TMEFF2: variants seen among roughly 807,000 people sequenced by gnomAD.
TMEFF2 encodes transmembrane protein with EGF like and two follistatin like domains 2.
TMEFF2 carries 28 observed loss-of-function variants against 53.8 expected under a neutral mutation model. The observed-to-expected ratio is 0.52, with a 90% confidence interval of 0.39 to 0.71. The LOEUF is 0.71. TMEFF2 is among the 30% of genes least tolerant of loss of function. TMEFF2 has a pLI of 0.00. For synonymous variants in TMEFF2, 162 were observed against 166.3 expected (o/e 0.97, Z 0.20); for missense variants, 353 against 455.2 (o/e 0.78, Z 2.04).
chr2:192,052,665 G>T (rs991230145), intron 5 of TMEFF2, among the ~76,000 whole-genome samples: 2 of 151,916 alleles, frequency 1.3e-5, no homozygotes, highest in African/African-American at 4.8e-5. Context: ...ATTATATTTG[G>T]CAGGGTGTAT....
intron 4 of TMEFF2, among the ~76,000 whole-genome samples, chr2:192,097,086 A>G (rs1688929171): frequency 6.6e-6 from 1 of 152,242 alleles, no homozygotes; most frequent in South Asian, 2.1e-4. Flanking sequence ...CAGCAGTTAT[A>G]GGTACACACA....
chr2:191,988,263 A>G lies in TMEFF2; in HGVS notation c.745+9999T>C, dbSNP rs141110575. On this transcript the variant is annotated intron_variant, in intron 7 of 9. Transcript: ENST00000272771. ...CTGGTCTGCCTGTTGGTTGTTTCTC[A>G]TGCTTCTATAGCTATATTTCATTAA... Among the ~76,000 whole-genome samples, 7 of 152,292 alleles carry G rather than the reference A, an allele frequency of 4.6e-5. 1 individual carries two copies. In the East Asian group the frequency reaches 1.3e-3, roughly 29 times the overall value.
At chr2:191,998,167 G>T (rs750868663) in intron 7 of TMEFF2, 95 bp downstream of exon 7, 17 of 973,844 alleles carry the variant, frequency 1.7e-5, no homozygotes, top group Non-Finnish European at 2.4e-5. Context: ...TAGAAGTCTT[G>T]CAAGCTTCAC....
intron 7 of TMEFF2, among the ~76,000 whole-genome samples, chr2:191,975,204 A>G: frequency 6.7e-6 from 1 of 149,590 alleles, no homozygotes; most frequent in South Asian, 2.2e-4. Flanking sequence ...ATTTCTAGGT[A>G]GTAGAGATAA....
At chr2:192,041,799 G>GGA (rs1687488695) in intron 5 of TMEFF2, among the ~76,000 whole-genome samples, 1 of 152,196 alleles carries the variant, frequency 6.6e-6, no homozygotes, top group African/African-American at 2.4e-5. Flanking sequence ...CCGTAGAAAA[G>GGA]GAGAGAGATG....
intron 7 of TMEFF2, among the ~76,000 whole-genome samples, chr2:191,965,199 T>C (rs1429322344): frequency 6.6e-6 from 1 of 152,152 alleles, no homozygotes; most frequent in East Asian, 1.9e-4. Context: ...TCAACATTCC[T>C]AGGGTCTCCC....
chr2:192,193,371 C>T (rs530426938), intron 1 of TMEFF2, among the ~76,000 whole-genome samples: 3 of 152,184 alleles, frequency 2.0e-5, no homozygotes, highest in Admixed American at 6.5e-5. Flanking sequence ...AATGCTATGC[C>T]AGCTAGGAGT....
intron 4 of TMEFF2, among the ~76,000 whole-genome samples, chr2:192,138,484 C>A (rs1409052427): frequency 6.6e-6 from 1 of 152,156 alleles, no homozygotes; most frequent in East Asian, 1.9e-4. Flanking sequence ...AGCTTCTCAC[C>A]CCATAGGTCC....
chr2:192,010,245 C>G (rs1035861159), intron 5 of TMEFF2, among the ~76,000 whole-genome samples: 1 of 152,176 alleles, frequency 6.6e-6, no homozygotes, highest in Non-Finnish European at 1.5e-5. Context: ...CCGTTCCTCA[C>G]TGACTTCCTG....
intron 7 of TMEFF2, among the ~76,000 whole-genome samples, chr2:191,982,001 T>A (rs1346730794): frequency 6.6e-6 from 1 of 152,184 alleles, no homozygotes; most frequent in Non-Finnish European, 1.5e-5. Flanking sequence ...AGTCACTTGA[T>A]ACTGTCTGAA....
intron 4 of TMEFF2, among the ~76,000 whole-genome samples, chr2:192,061,870 G>C (rs974584906): frequency 6.6e-6 from 1 of 152,012 alleles, no homozygotes; most frequent in Non-Finnish European, 1.5e-5. Flanking sequence ...CTTGCTCCCC[G>C]TCTCGCCACA....
chr2:191,999,672 TG>T, intron 5 of TMEFF2, among the ~76,000 whole-genome samples: 1 of 152,130 alleles, frequency 6.6e-6, no homozygotes, highest in South Asian at 2.1e-4. Flanking sequence ...TTATTTGGCA[TG>T]CAATCAGGAG....
intron 2 of TMEFF2, among the ~76,000 whole-genome samples, chr2:192,186,689 G>T (rs143920672): frequency 1.3e-3 from 195 of 152,156 alleles, no homozygotes; most frequent in African/African-American, 4.6e-3. Flanking sequence ...CTTGCCCCGG[G>T]CTACCTTTCA....
chr2:192,129,369 GA>G (rs11313016), intron 4 of TMEFF2, among the ~76,000 whole-genome samples: 54,533 of 143,720 alleles, frequency 0.38, 11,495 homozygotes, highest in East Asian at 0.72. Flanking sequence ...ATGTTTAATA[GA>G]AAAAAAAAAA....
intron 4 of TMEFF2, among the ~76,000 whole-genome samples, chr2:192,143,986 C>T (rs539417148): frequency 6.6e-6 from 1 of 152,202 alleles, no homozygotes; most frequent in Non-Finnish European, 1.5e-5. Context: ...TTCATTCACA[C>T]AAGTGGTTAC....
intron 7 of TMEFF2, among the ~76,000 whole-genome samples, chr2:191,964,354 T>TTCTC (rs1553507932): frequency 9.6e-6 from 1 of 104,634 alleles, no homozygotes; most frequent in Non-Finnish European, 1.9e-5. Flanking sequence ...CTTTCTTTCT[T>TTCTC]TCTTTCTTTC....
At chr2:192,056,272 A>G (rs932102828) in intron 5 of TMEFF2, among the ~76,000 whole-genome samples, 114 of 152,206 alleles carry the variant, frequency 7.5e-4, no homozygotes, top group African/African-American at 2.3e-3. Context: ...AAAAAAGAAA[A>G]AGAGAGAAAT....
At chr2:192,020,069 C>CT (rs1396971227) in intron 5 of TMEFF2, among the ~76,000 whole-genome samples, 2 of 151,988 alleles carry the variant, frequency 1.3e-5, no homozygotes, top group African/African-American at 2.4e-5. Flanking sequence ...ATAATAACAG[C>CT]TTTTTTCCAG....
intron 4 of TMEFF2, among the ~76,000 whole-genome samples, chr2:192,173,828 G>A (rs1690973337): frequency 6.6e-6 from 1 of 151,604 alleles, no homozygotes. Context: ...AATACTTTAA[G>A]CCATGGACTT....
Sources: gnomAD v4.1 joint callset for allele counts (sites outside exome capture counted in the v4.1 genomes callset) on GRCh38, gnomAD v4.1.1 for gene constraint, MANE v1.5 for transcripts, NCBI Gene and HGNC (gene_info 2026-07-23, HGNC 2026-07-21) for gene names.